Variants in DMD observed in about 807,000 individuals in gnomAD.
The protein encoded by DMD is mutant dystrophin.
DMD carries 63 observed loss-of-function variants against 330.1 expected under a neutral mutation model. The ratio of observed to expected loss-of-function variants is 0.19; its 90% CI spans 0.16 to 0.24. The LOEUF (loss-of-function observed/expected upper bound fraction) is 0.24. Ranked by LOEUF, DMD falls within the 10% of genes least tolerant of loss-of-function variation. The pLI is 1.00. For missense variants in DMD, 3,344 were observed against 2,684.1 expected (o/e 1.25, Z -5.43); for synonymous variants, 1,223 against 959.8 (o/e 1.27, Z -5.07).
chrX:32,316,710 CAAT>C (rs1162754498), intron 41 of DMD, among the ~76,000 whole-genome samples: 3 of 110,774 alleles, frequency 2.7e-5, no homozygotes, highest in Admixed American at 9.7e-5. Context: ...CTGATATATA[CAAT>C]AATGTTTAAT....
chrX:31,906,389 T>C (rs1028841973), intron 47 of DMD, among the ~76,000 whole-genome samples: 1 of 112,334 alleles, frequency 8.9e-6, no homozygotes, highest in African/African-American at 3.2e-5. Context: ...CCAGGTCTTG[T>C]AGATGATACC....
chrX:32,114,215 T>C (rs1290654175), intron 44 of DMD, among the ~76,000 whole-genome samples: 1 of 111,745 alleles, frequency 8.9e-6, no homozygotes, highest in Non-Finnish European at 1.9e-5. Flanking sequence ...ACTGAAAGCG[T>C]ACTTAATTGT....
At chrX:31,667,894 G>A (rs1299084236) in intron 53 of DMD, among the ~76,000 whole-genome samples, 1 of 111,863 alleles carries the variant, frequency 8.9e-6, no homozygotes, top group Non-Finnish European at 1.9e-5. Flanking sequence ...CACCAGTAAT[G>A]TGAAAATTCC....
chrX:31,773,724 C>CTTTTTTTTT (rs762551529), intron 51 of DMD, among the ~76,000 whole-genome samples: 3 of 53,551 alleles, frequency 5.6e-5, no homozygotes, highest in Non-Finnish European at 1.0e-4. Flanking sequence ...AAGGTTTCTG[C>CTTTTTTTTT]TTTTTTTTTT....
intron 52 of DMD, among the ~76,000 whole-genome samples, chrX:31,679,853 T>C (rs955513361): frequency 1.8e-5 from 2 of 111,945 alleles, no homozygotes; most frequent in Non-Finnish European, 3.8e-5. Flanking sequence ...GAACCAAATA[T>C]GAATCATCTG....
chrX:31,169,245 T>A (rs1471415976), intron 74 of DMD, among the ~76,000 whole-genome samples, 198 bp downstream of exon 74: 10 of 109,720 alleles, frequency 9.1e-5, no homozygotes, highest in Non-Finnish European at 1.9e-4. Context: ...GAGTTCTTCA[T>A]CATACTATTG....
chrX:33,097,661 C>T (rs2095185906), intron 1 of DMD, among the ~76,000 whole-genome samples: 1 of 93,203 alleles, frequency 1.1e-5, no homozygotes, highest in Non-Finnish European at 2.1e-5. Flanking sequence ...TGTCGCCCAG[C>T]CTGGAGGGCA....
At chrX:32,623,711 T>A (rs956391994) in intron 11 of DMD, among the ~76,000 whole-genome samples, 6 of 110,055 alleles carry the variant, frequency 5.5e-5, no homozygotes, top group African/African-American at 2.0e-4. Context: ...TCTTTTTGTA[T>A]AGATGTGGTC....
In DMD at chrX:32,707,050, C is replaced by G. The variant is rs745652458; in HGVS notation, c.650-7757G>C. On this transcript the variant is annotated intron_variant, in intron 7 of 78. Transcript: ENST00000357033. ...GAGATGACGGTGAGCCGAGATCACG[C>G]CACTGTACTCCAGCCTGGGAAACAG... is the stretch of plus-strand genomic sequence containing the variant. Among the ~76,000 whole-genome samples, 9 of 110,340 alleles carry G rather than the reference C, an allele frequency of 8.2e-5. No individual in the cohort carries two copies. The South Asian group carries it at 2.4e-3, about 30-fold the overall frequency.
chrX:32,130,260 A>C (rs896698291), intron 44 of DMD, among the ~76,000 whole-genome samples: 1 of 111,789 alleles, frequency 8.9e-6, no homozygotes, highest in Non-Finnish European at 1.9e-5. Context: ...TTGGATTTAC[A>C]GATCAAGTGT....
At chrX:31,405,103 T>C (rs1349725300) in intron 60 of DMD, among the ~76,000 whole-genome samples, 1 of 111,735 alleles carries the variant, frequency 8.9e-6, no homozygotes, top group Non-Finnish European at 1.9e-5. Context: ...TGGGAAACAA[T>C]GGCCACAGAA....
At chrX:31,321,607 A>AAAAAAAAAAAAAAAAAAAAAAAG (rs1388525572) in intron 62 of DMD, among the ~76,000 whole-genome samples, 1 of 89,284 alleles carries the variant, frequency 1.1e-5, no homozygotes, top group African/African-American at 5.9e-5. Context: ...AAAAAAAAAA[A>AAAAAAAAAAAAAAAAAAAAAAAG]AAAGAAAGAA....
At position 33,042,471 on chromosome X, in the gene DMD, AGTT is replaced by A. The variant is rs769860161; in HGVS notation, c.32-22274_32-22272del. 1.3e-3 allele frequency among the ~76,000 whole-genome samples: 144 copies of A among 112,542 alleles called. 1 individual carries two copies. Among genetic ancestry groups the A allele is most frequent in the African/African-American group, 4.5e-3 (138 of 31,011 alleles). On this transcript the variant is annotated intron_variant, in intron 1 of 78. Coordinates refer to ENST00000357033, the MANE Select transcript of DMD (RefSeq NM_004006.3). ...TTTTACTGTACTTGCATAAAGCCCT[AGTT>A]GTTCTTTTCCTATTCTATCATTTCT...
intron 44 of DMD, among the ~76,000 whole-genome samples, chrX:32,169,253 G>A (rs781523720): frequency 1.8e-5 from 2 of 111,826 alleles, no homozygotes; most frequent in Non-Finnish European, 3.8e-5. Flanking sequence ...GGGTATGAAT[G>A]GGCTATATTA....
At chrX:32,356,858 A>G (rs566760554) in intron 37 of DMD, among the ~76,000 whole-genome samples, 2 of 112,088 alleles carry the variant, frequency 1.8e-5, no homozygotes, top group African/African-American at 6.5e-5. Flanking sequence ...CAATAAAAAT[A>G]TAACTTGATG....
At chrX:31,493,681 C>A (rs1406310233) in intron 57 of DMD, among the ~76,000 whole-genome samples, 1 of 111,517 alleles carries the variant, frequency 9.0e-6, no homozygotes, top group Non-Finnish European at 1.9e-5. Flanking sequence ...TCCAAGAGCA[C>A]TGAGAAGACT....
intron 52 of DMD, among the ~76,000 whole-genome samples, chrX:31,709,817 G>A (rs996947079): frequency 9.0e-6 from 1 of 110,813 alleles, no homozygotes; most frequent in Non-Finnish European, 1.9e-5. Flanking sequence ...CTATGTCTAT[G>A]CACTTATCTG....
chrX:32,010,787 T>C (rs2095702263), intron 44 of DMD, among the ~76,000 whole-genome samples: 1 of 112,166 alleles, frequency 8.9e-6, no homozygotes, highest in Non-Finnish European at 1.9e-5. Flanking sequence ...TAACGTATGA[T>C]AATAATTGCT....
chrX:32,718,983 C>T (rs1692562527), intron 7 of DMD, among the ~76,000 whole-genome samples: 2 of 111,599 alleles, frequency 1.8e-5, no homozygotes, highest in Non-Finnish European at 3.8e-5. Context: ...CTCTTTATAT[C>T]GGGGAAGAGG....
Sources: allele counts gnomAD v4.1 joint callset (sites outside exome capture counted in the v4.1 genomes callset), GRCh38; gene constraint gnomAD v4.1.1; transcripts MANE v1.5; gene names NCBI Gene and HGNC (gene_info 2026-07-23, HGNC 2026-07-21).